DIAPH2: variants seen among roughly 807,000 people sequenced by gnomAD.
DIAPH2 encodes the protein protein diaphanous homolog 2.
A neutral mutation model predicts 92.7 loss-of-function variants in DIAPH2; 35 were observed. That is an observed-to-expected ratio of 0.38 (90% CI 0.29 to 0.50). The LOEUF (loss-of-function observed/expected upper bound fraction) is 0.50. Ranked by LOEUF, DIAPH2 falls within the 20% of genes least tolerant of loss-of-function variation. The pLI is 0.94. For synonymous variants in DIAPH2, 301 were observed against 280.4 expected (o/e 1.07, Z -0.73); for missense variants, 701 against 819.5 (o/e 0.86, Z 1.77).
At chrX:97,275,853 G>A (rs1400637431) in intron 23 of DIAPH2, among the ~76,000 whole-genome samples, 3 of 112,155 alleles carry the variant, frequency 2.7e-5, no homozygotes, top group South Asian at 3.7e-4. Context: ...AGGCAGAGAC[G>A]CTCCTTGCTT....
intron 4 of DIAPH2, among the ~76,000 whole-genome samples, chrX:96,864,638 T>G (rs2065093366): frequency 8.9e-6 from 1 of 112,088 alleles, no homozygotes; most frequent in Admixed American, 9.5e-5. Flanking sequence ...ATTGCATTAC[T>G]GTGTTAAATC....
chrX:96,697,050 A>G (rs771404551), intron 1 of DIAPH2, among the ~76,000 whole-genome samples: 1 of 110,335 alleles, frequency 9.1e-6, no homozygotes, highest in African/African-American at 3.3e-5. Context: ...GGGGTTTGCT[A>G]CTTTTATAGC....
chrX:97,033,981 TC>T (rs2066393383), intron 17 of DIAPH2, among the ~76,000 whole-genome samples: 1 of 111,730 alleles, frequency 9.0e-6, no homozygotes, highest in Non-Finnish European at 1.9e-5. Context: ...AAAGCCATCT[TC>T]TTATTATCTT....
rs1441328681 is a variant in DIAPH2 at position 97,602,067 on chromosome X, G to GTCT, written c.*2752_*2754dup. On this transcript the variant is annotated 3_prime_UTR_variant, in exon 27 of 27. Coordinates refer to ENST00000324765, the MANE Select transcript of DIAPH2 (RefSeq NM_006729.5). ...CCAGGATAATCTCCTCACCTCATGA[G>GTCT]TCTTAACTTAATTACATCTGCAAGG... 1.8e-5 allele frequency: 2 copies of GTCT among 112,018 alleles called. No homozygotes were observed. The highest frequency in any genetic ancestry group is 9.5e-5 in the Admixed American group (1 of 10,559). 9.2% of individuals were successfully genotyped at this position (112,018 alleles called of 1,213,427 possible).
intron 22 of DIAPH2, among the ~76,000 whole-genome samples, chrX:97,149,337 TA>T (rs1167581343): frequency 1.8e-5 from 2 of 111,940 alleles, no homozygotes; most frequent in Non-Finnish European, 3.8e-5. Flanking sequence ...TGACCTTACT[TA>T]AATCTTAGCA....
rs2070313046 is a variant in DIAPH2, at chrX:97,446,594, T to C, written c.3241+16849T>C. On this transcript the variant is annotated intron_variant, in intron 26 of 26. Coordinates refer to ENST00000324765, the MANE Select transcript of DIAPH2 (RefSeq NM_006729.5). ...ATATACACCTATGTTCATCCACGTGTTTTTGTTTTGTTTTGTTTTTTAAAC... is the reference window on the plus strand; with the variant it reads ...ATATACACCTATGTTCATCCACGTGCTTTTGTTTTGTTTTGTTTTTTAAAC... Among the ~76,000 whole-genome samples the C allele has an allele frequency of 4.5e-5, 5 of 111,840 alleles. No homozygotes were observed. The South Asian group carries it at 1.9e-3, about 42-fold the overall frequency.
chrX:96,724,420 C>G (rs1288100290), intron 1 of DIAPH2, among the ~76,000 whole-genome samples: 3 of 111,555 alleles, frequency 2.7e-5, no homozygotes, highest in African/African-American at 6.5e-5. Context: ...AAGTTTAGAC[C>G]ATCTCAAATT....
intron 17 of DIAPH2, among the ~76,000 whole-genome samples, chrX:97,029,690 C>T (rs1191477889): frequency 9.0e-6 from 1 of 111,159 alleles, no homozygotes; most frequent in Non-Finnish European, 1.9e-5. Flanking sequence ...TATCCAGCAT[C>T]CCTGCACCAT....
intron 5 of DIAPH2, chrX:96,884,811 G>A (rs906667923): frequency 1.9e-5 from 23 of 1,209,145 alleles, no homozygotes; most frequent in East Asian, 3.0e-5. Context: ...CACACATGAT[G>A]CTGGATAAAG....
intron 24 of DIAPH2, among the ~76,000 whole-genome samples, chrX:97,373,149 G>A (rs1007249906): frequency 8.0e-5 from 9 of 111,869 alleles, no homozygotes; most frequent in Non-Finnish European, 1.7e-4. Flanking sequence ...ATTGAGCTAT[G>A]TCAGTGTGAC....
intron 4 of DIAPH2, among the ~76,000 whole-genome samples, chrX:96,838,470 G>A (rs755673011): frequency 5.4e-5 from 6 of 111,938 alleles, no homozygotes; most frequent in Non-Finnish European, 1.1e-4. Flanking sequence ...TTATCTAATT[G>A]TATACATTGT....
At chrX:97,378,211 C>T (rs1332071977) in intron 24 of DIAPH2, among the ~76,000 whole-genome samples, 10 of 109,667 alleles carry the variant, frequency 9.1e-5, no homozygotes, top group African/African-American at 2.0e-4. Context: ...GGTGAGACCC[C>T]GTCTCTACAA....
chrX:97,565,651 T>G (rs1021863981), intron 26 of DIAPH2, among the ~76,000 whole-genome samples: 1 of 112,219 alleles, frequency 8.9e-6, no homozygotes, highest in Non-Finnish European at 1.9e-5. Context: ...TTGCTTTTCC[T>G]CCCCACTATC....
chrX:96,785,476 T>C (rs2064448362), intron 4 of DIAPH2, among the ~76,000 whole-genome samples: 1 of 60,060 alleles, frequency 1.7e-5, no homozygotes, highest in Middle Eastern at 8.5e-3. Flanking sequence ...CAAACTTGCC[T>C]TTTTTTTTTT....
At chrX:97,425,051 G>A (rs1358300436) in intron 25 of DIAPH2, among the ~76,000 whole-genome samples, 1 of 111,805 alleles carries the variant, frequency 8.9e-6, no homozygotes, top group Non-Finnish European at 1.9e-5. Flanking sequence ...TATTATTTAG[G>A]TAAATCATAA....
Position 97,114,754 on chromosome X carries a change from G to A in DIAPH2, c.2378G>A (p.Arg793His), listed in dbSNP as rs1474480416. 4.2e-6 allele frequency: 5 copies of A among 1,204,800 alleles called. No individual in the cohort carries two copies. The highest frequency in any genetic ancestry group is 5.6e-6 in the Non-Finnish European group (5 of 892,539). The change falls in exon 21 of 27, where the codon CGT (arginine) becomes CAT (histidine). Residue 793 changes from arginine to histidine, a missense_variant. Around this residue, in one of 3 missense-constraint regions of DIAPH2, gnomAD observed 536 missense variants for 599.3 expected, o/e 0.89. Coordinates refer to ENST00000324765, the MANE Select transcript of DIAPH2 (RefSeq NM_006729.5). ...VMSSVKMLQP[R>H]LSSILFKLTF... The stretch of plus-strand genomic sequence containing the variant: ...AGCTCTGTGAAAATGTTACAGCCTC[G>A]TCTCAGTAGTATCCTGTTCAAGCTC...
At chrX:97,188,864 C>T (rs1056762994) in intron 22 of DIAPH2, among the ~76,000 whole-genome samples, 6 of 112,244 alleles carry the variant, frequency 5.3e-5, no homozygotes, top group African/African-American at 1.9e-4. Context: ...CATATTCTCT[C>T]TGTTGAGTGG....
At chrX:96,813,067 G>T (rs1246161885) in intron 4 of DIAPH2, among the ~76,000 whole-genome samples, 10 of 111,365 alleles carry the variant, frequency 9.0e-5, no homozygotes, top group African/African-American at 3.3e-4. Flanking sequence ...TTTAAGTGCT[G>T]GATATCCTTG....
intron 1 of DIAPH2, among the ~76,000 whole-genome samples, chrX:96,718,210 C>T (rs6615843): frequency 9.3e-6 from 1 of 107,352 alleles, no homozygotes; most frequent in Non-Finnish European, 1.9e-5. Flanking sequence ...GTTTGCCTTT[C>T]TGTGCCTGGC....
Sources: allele counts gnomAD v4.1 joint callset (sites outside exome capture counted in the v4.1 genomes callset), GRCh38; gene constraint gnomAD v4.1.1; regional missense constraint gnomAD v4.1.1; transcripts MANE v1.5; gene names NCBI Gene and HGNC (gene_info 2026-07-23, HGNC 2026-07-21).